Variants in SGCZ observed in about 807,000 individuals in gnomAD.
SGCZ encodes the protein sarcoglycan zeta, also known as zeta-sarcoglycan.
A neutral mutation model predicts 41.3 loss-of-function variants in SGCZ; 40 were observed. That is an observed-to-expected ratio of 0.97 (90% confidence interval 0.75 to 1.26). The LOEUF (loss-of-function observed/expected upper bound fraction) is 1.26, where lower values mean the gene tolerates loss of function less well. SGCZ is among the 50% of genes most tolerant of loss of function. SGCZ has a pLI of 0.00. For synonymous variants in SGCZ, 206 were observed against 137.5 expected, an observed-to-expected ratio of 1.50 and a Z score of -3.49; for missense variants, 552 against 369.8, an observed-to-expected ratio of 1.49 and a Z score of -4.04.
At chr8:14,517,286 T>C (rs962152404) in intron 2 of SGCZ, among the ~76,000 whole-genome samples, 3 of 152,070 alleles carry the variant, frequency 2.0e-5, no homozygotes, top group Admixed American at 6.6e-5. Flanking sequence ...AAAACTAAAC[T>C]TGGGCAAGAT....
chr8:14,921,724 T>C (rs920517199), intron 1 of SGCZ, among the ~76,000 whole-genome samples: 1 of 152,126 alleles, frequency 6.6e-6, no homozygotes, highest in Middle Eastern at 3.2e-3. Context: ...AAATTGAACA[T>C]CTGCTGTGAT....
Position 14,728,418 on chromosome 8 carries a change from G to A in SGCZ, c.40-173492C>T, listed in dbSNP as rs547753620. 8.5e-4 allele frequency among the ~76,000 whole-genome samples: 125 copies of A among 146,900 alleles called. 1 individual carries two copies. Among genetic ancestry groups the A allele is most frequent in the South Asian group, 7.7e-3 (36 of 4,652 alleles). On this transcript the variant is annotated intron_variant, in intron 1 of 7. Transcript: ENST00000382080. ...AATAAAGACAAAAGCCAAAATTAAT[G>A]CAGTAAAAAGCAAACAAAAATATCT...
chr8:14,669,357 CTAAG>C (rs75686503), intron 1 of SGCZ, among the ~76,000 whole-genome samples: 53 of 146,568 alleles, frequency 3.6e-4, no homozygotes, highest in Middle Eastern at 3.5e-3. Context: ...GACCCTGTCT[CTAAG>C]TAAGTAAGTA....
chr8:14,847,323 A>G (rs1027117514), intron 1 of SGCZ, among the ~76,000 whole-genome samples: 12 of 152,124 alleles, frequency 7.9e-5, no homozygotes, highest in African/African-American at 2.9e-4. Context: ...CTAAAATAGA[A>G]GTTTGTGGAC....
At chr8:14,408,552 G>A (rs1047477454) in intron 2 of SGCZ, among the ~76,000 whole-genome samples, 10 of 152,008 alleles carry the variant, frequency 6.6e-5, no homozygotes, top group African/African-American at 9.7e-5. Context: ...AATTTAGGTC[G>A]CAATTCTTTT....
chr8:14,451,733 T>C (rs1172038143), intron 2 of SGCZ, among the ~76,000 whole-genome samples: 1 of 152,214 alleles, frequency 6.6e-6, no homozygotes, highest in Non-Finnish European at 1.5e-5. Flanking sequence ...CAAGTAAGCA[T>C]ATAAAAAATG....
chr8:14,329,872 A>G (rs1013241093), intron 2 of SGCZ, among the ~76,000 whole-genome samples: 6 of 151,612 alleles, frequency 4.0e-5, no homozygotes, highest in African/African-American at 1.4e-4. Context: ...TTTTTTCATC[A>G]TCACTCAACT....
intron 5 of SGCZ, among the ~76,000 whole-genome samples, chr8:14,136,230 G>C (rs1436956830): frequency 6.6e-6 from 1 of 152,178 alleles, no homozygotes; most frequent in Admixed American, 6.5e-5. Context: ...CTCCCAGTGT[G>C]AGTGACGCAG....
intron 1 of SGCZ, among the ~76,000 whole-genome samples, chr8:14,953,257 C>T (rs963328450): frequency 6.6e-6 from 1 of 152,134 alleles, no homozygotes; most frequent in Non-Finnish European, 1.5e-5. Context: ...GAAGCAAGTA[C>T]TTCTTCCCAT....
intron 1 of SGCZ, among the ~76,000 whole-genome samples, chr8:14,965,011 G>A (rs1449730669): frequency 6.6e-6 from 1 of 152,026 alleles, no homozygotes; most frequent in African/African-American, 2.4e-5. Context: ...AATCCACCCA[G>A]GAGGAGACTC....
At chr8:15,204,052 T>C (rs1800981503) in intron 1 of SGCZ, among the ~76,000 whole-genome samples, 3 of 152,206 alleles carry the variant, frequency 2.0e-5, no homozygotes, top group Admixed American at 1.3e-4. Context: ...TTTGTGGCCA[T>C]AATTAACTTT....
At chr8:14,124,241 T>C (rs917636717) in intron 5 of SGCZ, among the ~76,000 whole-genome samples, 1 of 152,178 alleles carries the variant, frequency 6.6e-6, no homozygotes, top group African/African-American at 2.4e-5. Flanking sequence ...GGCAGTCCAT[T>C]CGAGCTTGAA....
intron 1 of SGCZ, among the ~76,000 whole-genome samples, chr8:14,592,987 T>C (rs1055357864): frequency 8.5e-5 from 13 of 152,186 alleles, no homozygotes; most frequent in Admixed American, 2.0e-4. Context: ...TTGGTTTCTG[T>C]TGTCTCTGAC....
intron 1 of SGCZ, among the ~76,000 whole-genome samples, chr8:14,874,226 A>G (rs975013163): frequency 6.6e-6 from 1 of 152,146 alleles, no homozygotes; most frequent in Admixed American, 6.6e-5. Flanking sequence ...ATGCATTTCA[A>G]TATTTTTAAA....
At position 14,323,967 on chromosome 8, in the gene SGCZ, A is replaced by T. The variant is rs530010954; in HGVS notation, c.336+136T>A. 1.3e-4 allele frequency: 73 copies of T among 572,482 alleles called. No homozygotes were observed. In the African/African-American group the frequency reaches 1.3e-3, roughly 10 times the overall value. 35.5% of individuals were successfully genotyped at this position (572,482 alleles called of 1,614,324 possible). A position where few individuals can be genotyped will look rare whatever the true frequency, so the allele number is the denominator to read the frequency against. ...GATTTTCAATGATGTTATCATTTTG[A>T]TTTCTAAACATAGGTGTTTAGCTTA... is the stretch of plus-strand genomic sequence containing the variant. On this transcript the variant is annotated intron_variant, in intron 3 of 7. Transcript: ENST00000382080.
At chr8:14,921,101 G>A (rs1485164842) in intron 1 of SGCZ, among the ~76,000 whole-genome samples, 9 of 152,174 alleles carry the variant, frequency 5.9e-5, no homozygotes, top group Non-Finnish European at 1.3e-4. Flanking sequence ...CAGCTTCAGA[G>A]CTTGCAGTGG....
intron 1 of SGCZ, among the ~76,000 whole-genome samples, chr8:14,659,181 A>G (rs1166094807): frequency 6.6e-6 from 1 of 152,274 alleles, no homozygotes; most frequent in African/African-American, 2.4e-5. Context: ...ATTCTGTTAC[A>G]CACTAGGGTG....
chr8:14,761,905 C>A (rs1350979402), intron 1 of SGCZ, among the ~76,000 whole-genome samples: 1 of 152,048 alleles, frequency 6.6e-6, no homozygotes, highest in Non-Finnish European at 1.5e-5. Context: ...AGTAGATTGT[C>A]CTGAGGAAAC....
intron 3 of SGCZ, among the ~76,000 whole-genome samples, chr8:14,304,278 C>CA: frequency 6.6e-6 from 1 of 151,214 alleles, no homozygotes; most frequent in African/African-American, 2.4e-5. Context: ...ACCGTCTACA[C>CA]AAAAAAGTAA....
Sources: gnomAD v4.1 joint callset for allele counts (sites outside exome capture counted in the v4.1 genomes callset) on GRCh38, gnomAD v4.1.1 for gene constraint, MANE v1.5 for transcripts, NCBI Gene and HGNC (gene_info 2026-07-23, HGNC 2026-07-21) for gene names.